The following DLGAP1 variants were observed in gnomAD, a reference collection of about 807,000 sequenced individuals.
The protein encoded by DLGAP1 is DLG associated protein 1, also known as disks large-associated protein 1.
Under a neutral mutation model 90.8 loss-of-function variants are expected in DLGAP1, and 11 were observed. That is an observed-to-expected ratio of 0.12 (90% CI 0.08 to 0.20). The LOEUF is 0.20. DLGAP1 is among the 10% of genes least tolerant of loss of function. The pLI, the probability that DLGAP1 is intolerant of heterozygous loss-of-function variation, is 1.00. For missense variants in DLGAP1, 1,050 were observed against 1,333.8 expected, an observed-to-expected ratio of 0.79 and a Z score of 3.31; for synonymous variants, 558 against 540.7, an observed-to-expected ratio of 1.03 and a Z score of -0.44.
At chr18:3,821,288 CAAAAAAA>C (rs56279066) in intron 4 of DLGAP1, among the ~76,000 whole-genome samples, 5,836 of 72,926 alleles carry the variant, frequency 0.08, 451 homozygotes, top group African/African-American at 0.26. Context: ...GACTCTGTGT[CAAAAAAA>C]AAAAAAAAAA....
At chr18:3,842,011 T>G (rs2148637682) in intron 4 of DLGAP1, among the ~76,000 whole-genome samples, 1 of 152,128 alleles carries the variant, frequency 6.6e-6, no homozygotes, top group Non-Finnish European at 1.5e-5. Flanking sequence ...GATACCTCAC[T>G]TAAACTTGGC....
intron 3 of DLGAP1, among the ~76,000 whole-genome samples, chr18:3,900,572 C>G (rs2071759176): frequency 6.6e-6 from 1 of 152,132 alleles, no homozygotes; most frequent in Non-Finnish European, 1.5e-5. Flanking sequence ...ATGAATAAAA[C>G]AAAAGGAGTG....
intron 7 of DLGAP1, among the ~76,000 whole-genome samples, chr18:3,625,133 AG>A (rs2058244905): frequency 6.6e-6 from 1 of 152,228 alleles, no homozygotes; most frequent in Non-Finnish European, 1.5e-5. Context: ...TCTCCCGAGC[AG>A]GCTTCACAGC....
chr18:3,712,345 C>T (rs754834641), intron 7 of DLGAP1, among the ~76,000 whole-genome samples: 2 of 152,144 alleles, frequency 1.3e-5, no homozygotes, highest in Non-Finnish European at 2.9e-5. Context: ...AGCAGCTCAC[C>T]CGTCTCTGTC....
intron 4 of DLGAP1, among the ~76,000 whole-genome samples, chr18:3,851,023 C>A (rs1884857937): frequency 6.6e-6 from 1 of 152,128 alleles, no homozygotes; most frequent in South Asian, 2.1e-4. Context: ...GAAACACCCA[C>A]AAATTACATT....
intron 1 of DLGAP1, among the ~76,000 whole-genome samples, chr18:4,156,365 AATAAT>A: frequency 6.6e-6 from 1 of 152,228 alleles, no homozygotes; most frequent in Non-Finnish European, 1.5e-5. Context: ...GATTAAATAA[AATAAT>A]ATATGTAATG....
chr18:3,581,729 T>G, intron 8 of DLGAP1, 146 bp downstream of exon 8: 1 of 945,198 alleles, frequency 1.1e-6, no homozygotes, highest in Non-Finnish European at 1.6e-6. Flanking sequence ...GTATACGGAG[T>G]CCACAGCCAA....
intron 4 of DLGAP1, among the ~76,000 whole-genome samples, chr18:3,876,025 GAAA>G (rs35857812): frequency 2.2e-5 from 3 of 134,882 alleles, no homozygotes; most frequent in Admixed American, 7.6e-5. Context: ...CAATAGAGCT[GAAA>G]AAAAAAAAAA....
intron 7 of DLGAP1, among the ~76,000 whole-genome samples, chr18:3,659,394 T>TACACAC (rs71366699): frequency 0.12 from 12,629 of 101,778 alleles, 1,008 homozygotes; most frequent in African/African-American, 0.16. Flanking sequence ...CATACATTTA[T>TACACAC]ACACACACAC....
chr18:4,291,848 G>A (rs2079857327), intron 1 of DLGAP1, among the ~76,000 whole-genome samples: 1 of 152,074 alleles, frequency 6.6e-6, no homozygotes, highest in Admixed American at 6.6e-5. Context: ...GATCTTGAAG[G>A]AAGAGCACTA....
Position 3,687,062 on chromosome 18 carries a change from C to T in DLGAP1, c.1591+42073G>A, listed in dbSNP as rs200681024. Among the ~76,000 whole-genome samples the T allele has an allele frequency of 1.4e-4, 22 of 152,240 alleles. No homozygotes were observed. In the East Asian group the frequency reaches 3.9e-3, roughly 27 times the overall value. On this transcript the variant is annotated intron_variant, in intron 7 of 12. Transcript: ENST00000315677. ...GCCAACAGCCAAGGAATGTGGGTGG[C>T]CTCTAGAAACTGGAAAAGACAAGGA...
intron 1 of DLGAP1, among the ~76,000 whole-genome samples, chr18:4,181,829 T>TTAGGCTCAG (rs1249486482): frequency 1.3e-5 from 2 of 152,068 alleles, no homozygotes; most frequent in African/African-American, 2.4e-5. Flanking sequence ...AAAAAAGAAA[T>TTAGGCTCAG]TAGGGGAGCC....
chr18:3,659,394 T>TACACACACACACACACAC (rs71366699), intron 7 of DLGAP1, among the ~76,000 whole-genome samples: 1 of 102,174 alleles, frequency 9.8e-6, no homozygotes, highest in South Asian at 3.8e-4. Flanking sequence ...CATACATTTA[T>TACACACACACACACACAC]ACACACACAC....
chr18:4,390,941 G>A (rs559755172), intron 1 of DLGAP1, among the ~76,000 whole-genome samples: 29 of 152,096 alleles, frequency 1.9e-4, no homozygotes, highest in Non-Finnish European at 2.8e-4. Flanking sequence ...ATCAGCCTGC[G>A]CTCATCTTGG....
rs76823395 is a variant in DLGAP1 at position 3,938,457 on chromosome 18, A to T, written c.-72-58317T>A. On this transcript the variant is annotated intron_variant, in intron 3 of 12. Coordinates refer to ENST00000315677, the MANE Select transcript of DLGAP1 (RefSeq NM_004746.4). ...GTATGAGAGTGCGACGCATGTAGAA[A>T]TCTGGGAAAGGGCATTCTTGGCCGA... 6.7e-4 allele frequency among the ~76,000 whole-genome samples: 102 copies of T among 152,242 alleles called. 1 individual carries two copies. The East Asian group carries it at 0.019, about 29-fold the overall frequency.
At chr18:4,322,943 G>GAAAAAAAAA (rs60113288) in intron 1 of DLGAP1, among the ~76,000 whole-genome samples, 3 of 97,610 alleles carry the variant, frequency 3.1e-5, no homozygotes, top group Non-Finnish European at 5.8e-5. Context: ...CCTGGGCACA[G>GAAAAAAAAA]AAAAAAAAAA....
At chr18:4,046,867 T>G (rs575019433) in intron 2 of DLGAP1, among the ~76,000 whole-genome samples, 6 of 152,302 alleles carry the variant, frequency 3.9e-5, no homozygotes, top group Non-Finnish European at 1.5e-5. Context: ...CAACAGTGCC[T>G]TTACCTTTGC....
At chr18:3,939,945 C>A (rs1220554480) in intron 3 of DLGAP1, among the ~76,000 whole-genome samples, 1 of 152,184 alleles carries the variant, frequency 6.6e-6, no homozygotes, top group African/African-American at 2.4e-5. Flanking sequence ...CCTCAACAAT[C>A]ACTGCCTCCT....
chr18:3,646,012 C>T (rs138610056), intron 7 of DLGAP1, among the ~76,000 whole-genome samples: 1 of 152,232 alleles, frequency 6.6e-6, no homozygotes, highest in African/African-American at 2.4e-5. Context: ...GACTGGTATG[C>T]CCTAAATCAT....
Sources: allele counts gnomAD v4.1 joint callset (sites outside exome capture counted in the v4.1 genomes callset), GRCh38; gene constraint gnomAD v4.1.1; transcripts MANE v1.5; gene names NCBI Gene and HGNC (gene_info 2026-07-23, HGNC 2026-07-21).